FREM3: variants seen among roughly 807,000 people sequenced by gnomAD.
FREM3 encodes FRAS1-related extracellular matrix protein 3.
A neutral mutation model predicts 129.1 loss-of-function variants in FREM3; 105 were observed. The observed-to-expected ratio is 0.81, with a 90% CI of 0.69 to 0.96. FREM3 has a LOEUF of 0.96. FREM3 is among the 40% of genes least tolerant of loss of function. FREM3 has a pLI of 0.00. For missense variants in FREM3, 2,593 were observed against 2,666.3 expected, an observed-to-expected ratio of 0.97 and a Z score of 0.61; for synonymous variants, 1,014 against 1,044.9, an observed-to-expected ratio of 0.97 and a Z score of 0.57.
At position 143,700,350 on chromosome 4, in the gene FREM3, G is replaced by T; in HGVS notation, c.326C>A (p.Ala109Glu). 1 of 1,534,796 alleles carries T rather than the reference G, an allele frequency of 6.5e-7. No homozygotes were observed. Among genetic ancestry groups the T allele is most frequent in the Non-Finnish European group, 8.7e-7 (1 of 1,145,914 alleles). Residue 109 changes from alanine (A) to glutamate (E), a missense_variant, in exon 1 of 8, where the codon GCG (alanine) becomes GAG (glutamate). Transcript: ENST00000329798. Reference sequence around the variant, plus strand: ...GCAGGGGAAGCGGCGCGGGGAGAGCGCGCCCTTGAGCCGCGGCAGGGCGTC... The same window carrying T: ...GCAGGGGAAGCGGCGCGGGGAGAGCTCGCCCTTGAGCCGCGGCAGGGCGTC... ...VLDALPRLKG[A>E]LSPRRFPCTF...
At chr4:143,586,428 T>C (rs1365613296) in intron 6 of FREM3, among the ~76,000 whole-genome samples, 3 of 152,132 alleles carry the variant, frequency 2.0e-5, no homozygotes, top group African/African-American at 7.2e-5. Context: ...AATTCTGAGT[T>C]TGATCACTAT....
intron 2 of FREM3, among the ~76,000 whole-genome samples, chr4:143,677,699 AAAC>A (rs1740170075): frequency 1.3e-5 from 2 of 152,258 alleles, no homozygotes. Context: ...ATTGACAAGA[AAAC>A]AACAACCCCA....
At chr4:143,688,170 G>A (rs1306962353) in intron 2 of FREM3, among the ~76,000 whole-genome samples, 2 of 152,070 alleles carry the variant, frequency 1.3e-5, no homozygotes, top group African/African-American at 2.4e-5. Context: ...TAGAGTTTAC[G>A]GATACAAGAG....
chr4:143,615,554 T>C (rs568114022), intron 5 of FREM3, among the ~76,000 whole-genome samples: 1 of 152,192 alleles, frequency 6.6e-6, no homozygotes, highest in African/African-American at 2.4e-5. Context: ...AGCGTCTATC[T>C]AGAGGGGACT....
At chr4:143,657,338 T>G (rs1739620361) in intron 2 of FREM3, among the ~76,000 whole-genome samples, 1 of 152,220 alleles carries the variant, frequency 6.6e-6, no homozygotes, top group East Asian at 1.9e-4. Flanking sequence ...ATAATCCAAA[T>G]AGACCTACTG....
intron 4 of FREM3, among the ~76,000 whole-genome samples, chr4:143,623,500 C>G (rs1388625221): frequency 1.5e-5 from 2 of 135,040 alleles, no homozygotes; most frequent in Admixed American, 7.3e-5. Flanking sequence ...TAATCCCCCC[C>G]CCCCCCCACC....
chr4:143,584,113 A>T (rs1186046449), intron 7 of FREM3, among the ~76,000 whole-genome samples: 3 of 152,260 alleles, frequency 2.0e-5, no homozygotes, highest in Non-Finnish European at 4.4e-5. Flanking sequence ...GGGATGGAGA[A>T]AAATCTACCA....
intron 6 of FREM3, among the ~76,000 whole-genome samples, chr4:143,589,399 T>A (rs1234922627): frequency 6.6e-6 from 1 of 152,190 alleles, no homozygotes; most frequent in Non-Finnish European, 1.5e-5. Context: ...CTTTAATCCA[T>A]CTTGAATTAA....
At position 143,665,358 on chromosome 4, in the gene FREM3, T is replaced by G. The variant is rs78778955; in HGVS notation, c.5275+27755A>C. Among the ~76,000 whole-genome samples the G allele has an allele frequency of 2.0e-5, 3 of 152,264 alleles. No individual in the cohort carries two copies. The East Asian group carries it at 5.8e-4, about 29-fold the overall frequency. The stretch of plus-strand genomic sequence containing the variant: ...CTCTTACCATAGCATTTACCCTGCC[T>G]TATTAACTTATCCCCCATTAGACTG... On this transcript the variant is annotated intron_variant, in intron 2 of 7. Transcript: ENST00000329798.
Position 143,637,986 on chromosome 4 carries a change from T to C in FREM3, c.5276-10226A>G, listed in dbSNP as rs887498085. On this transcript the variant is annotated intron_variant, in intron 2 of 7. Transcript: ENST00000329798. ...GTTCACTGAGAGGTGTTTGGTGTAT[T>C]CTTTTTGGAGATGTACCCAAACTGT... Among the ~76,000 whole-genome samples the C allele has an allele frequency of 2.0e-5, 3 of 152,254 alleles. No individual in the cohort carries two copies. The East Asian group carries it at 5.8e-4, about 29-fold the overall frequency.
At chr4:143,637,203 G>T (rs1419142442) in intron 2 of FREM3, among the ~76,000 whole-genome samples, 1 of 152,152 alleles carries the variant, frequency 6.6e-6, no homozygotes, top group Non-Finnish European at 1.5e-5. Context: ...ACTCTGACTT[G>T]TGACTTCACA....
At chr4:143,673,908 C>A (rs1179164976) in intron 2 of FREM3, among the ~76,000 whole-genome samples, 2 of 152,252 alleles carry the variant, frequency 1.3e-5, no homozygotes, top group Non-Finnish European at 2.9e-5. Context: ...GGGATATAAT[C>A]TCCTGGTGTG....
chr4:143,619,452 C>T (rs1292556715), intron 5 of FREM3, among the ~76,000 whole-genome samples: 1 of 152,092 alleles, frequency 6.6e-6, no homozygotes. Context: ...ATGAACCTGG[C>T]CAGTAACAGA....
rs1167899294 is a variant in FREM3 at position 143,699,993 on chromosome 4, T to A, written c.683A>T (p.Asp228Val). Residue 228 changes from aspartate to valine, a missense_variant, in exon 1 of 8, where the codon GAC becomes GTC. Around this residue, in one of 2 missense-constraint regions of FREM3, gnomAD observed 2,276 missense variants for 2,267.2 expected, o/e 1.00. Transcript: ENST00000329798. The surrounding 1 kb of genome is among the most constrained non-coding windows in gnomAD (Gnocchi z 4.2). ...CCTGGGGAGAGGGGCCCCCACCGCG[T>A]CCACCAAGCGCCCGTACTTGGGCAG... ...GPLPKYGRLVDAVGAPLPRGK... is the reference protein window; with the variant it reads ...GPLPKYGRLVVAVGAPLPRGK... 1 of 1,500,734 alleles carries A rather than the reference T, an allele frequency of 6.7e-7. No homozygotes were observed. Among genetic ancestry groups the A allele is most frequent in the East Asian group, 2.5e-5 (1 of 40,484 alleles). The allele number at this position is 1,500,734 out of a possible 1,614,324, so 93.0% of individuals were successfully genotyped here. A position where few individuals can be genotyped will look rare whatever the true frequency, so the allele number is the denominator to read the frequency against.
At chr4:143,626,475 A>G (rs1739039286) in intron 3 of FREM3, among the ~76,000 whole-genome samples, 1 of 152,190 alleles carries the variant, frequency 6.6e-6, no homozygotes, top group African/African-American at 2.4e-5. Flanking sequence ...TTCTGAGCAG[A>G]TGAACTTTTT....
intron 2 of FREM3, among the ~76,000 whole-genome samples, chr4:143,658,919 C>A (rs1194108637): frequency 6.6e-6 from 1 of 152,006 alleles, no homozygotes; most frequent in African/African-American, 2.4e-5. Flanking sequence ...AAGCAGTGCC[C>A]CAAATCTCCT....
At position 143,624,261 on chromosome 4, in the gene FREM3, G is replaced by T; in HGVS notation, c.5500C>A (p.Pro1834Thr). 3 of 1,536,924 alleles carry T rather than the reference G, an allele frequency of 2.0e-6. No homozygotes were observed. Among genetic ancestry groups the T allele is most frequent in the South Asian group, 2.4e-5 (2 of 84,048 alleles). ...WKTNKQIQFN[P>T]GQTTATWRVR... ...CTCCATGTGGCTGTAGTCTGTCCAG[G>T]ATTGAACTGGATCTGTTTATTGGTC... The change falls in exon 4 of 8, where the codon CCT (proline) becomes ACT (threonine). Residue 1834 changes from proline (P) to threonine (T), a missense_variant. Coordinates refer to ENST00000329798, the MANE Select transcript of FREM3 (RefSeq NM_001168235.2).
chr4:143,594,949 C>T (rs1440751245), intron 6 of FREM3, among the ~76,000 whole-genome samples: 1 of 152,160 alleles, frequency 6.6e-6, no homozygotes, highest in Admixed American at 6.5e-5. Context: ...GGCCACATCA[C>T]ATTTATGTTA....
intron 7 of FREM3, among the ~76,000 whole-genome samples, chr4:143,578,131 A>G (rs1738071717): frequency 6.6e-6 from 1 of 152,260 alleles, no homozygotes; most frequent in East Asian, 1.9e-4. Flanking sequence ...AGATTCTGCC[A>G]AATTATTGAA....
Sources: allele counts gnomAD v4.1 joint callset (sites outside exome capture counted in the v4.1 genomes callset), GRCh38; gene constraint gnomAD v4.1.1; regional missense constraint gnomAD v4.1.1; non-coding constraint Gnocchi (gnomAD v3.1); transcripts MANE v1.5; gene names NCBI Gene and HGNC (gene_info 2026-07-23, HGNC 2026-07-21).